COL9A1: variants seen among roughly 807,000 people sequenced by gnomAD.
The protein encoded by COL9A1 is collagen type IX alpha 1 chain, also known as collagen alpha-1(IX) chain.
COL9A1 carries 104 observed loss-of-function variants against 142.6 expected under a neutral mutation model. The observed-to-expected ratio is 0.73, with a 90% CI of 0.62 to 0.86. The LOEUF is 0.86. COL9A1 is among the 40% of genes least tolerant of loss of function. The pLI is 0.00. For synonymous variants in COL9A1, 466 were observed against 396.0 expected, an observed-to-expected ratio of 1.18 and a Z score of -2.10; for missense variants, 1,210 against 1,176.6, an observed-to-expected ratio of 1.03 and a Z score of -0.42.
At chr6:70,278,796 AT>A (rs2127595428) in intron 10 of COL9A1, among the ~76,000 whole-genome samples, 1 of 152,358 alleles carries the variant, frequency 6.6e-6, no homozygotes, top group Non-Finnish European at 1.5e-5. Flanking sequence ...ACTTCTAAAA[AT>A]TTCAAAGCAC....
intron 28 of COL9A1, among the ~76,000 whole-genome samples, chr6:70,246,724 A>T (rs73747127): frequency 0.066 from 10,005 of 152,234 alleles, 362 homozygotes; most frequent in Non-Finnish European, 0.075. Context: ...TTGTAACATC[A>T]GCATTTAGCC....
Position 70,240,688 on chromosome 6 carries a change from C to A in COL9A1, c.2079+1G>T. The A allele has an allele frequency of 6.2e-7, 1 of 1,609,958 alleles. No homozygotes were observed. The highest frequency in any genetic ancestry group is 8.5e-7 in the Non-Finnish European group (1 of 1,177,518). On this transcript the variant is annotated splice_donor_variant, in intron 32 of 37. Transcript: ENST00000357250. LOFTEE classifies it high-confidence loss of function. ...CATTAACCAGAAAAAAAAAATCTTACAAGTTCCCCCCTTTCTCCTGCTTCA... is the reference window on the plus strand; with the variant it reads ...CATTAACCAGAAAAAAAAAATCTTAAAAGTTCCCCCCTTTCTCCTGCTTCA...
chr6:70,249,589 G>A (rs1247057137), intron 28 of COL9A1, among the ~76,000 whole-genome samples: 1 of 152,146 alleles, frequency 6.6e-6, no homozygotes, highest in Non-Finnish European at 1.5e-5. Context: ...AGAACCAACA[G>A]GTCCTATTTG....
intron 29 of COL9A1, 63 bp downstream of exon 29, chr6:70,242,599 T>C: frequency 7.1e-7 from 1 of 1,399,126 alleles, no homozygotes; most frequent in South Asian, 1.2e-5. Flanking sequence ...TTTCTCCTCT[T>C]GCTTATTTTT....
intron 10 of COL9A1, 52 bp downstream of exon 10, chr6:70,280,759 CG>C: frequency 1.3e-6 from 2 of 1,557,188 alleles, no homozygotes; most frequent in Non-Finnish European, 8.7e-7. Context: ...CACACTTACT[CG>C]TACCCACCAC....
Position 70,282,851 on chromosome 6 carries a change from C to T in COL9A1, c.801+47G>A, listed in dbSNP as rs368975357. On this transcript the variant is annotated intron_variant, in intron 7 of 37. Transcript: ENST00000357250. Reference sequence around the variant, plus strand: ...CCTCGACCGCTGCGCCCCGACCTGTCCTCGTGTGCGCTTGAAAAATGCAAA... The same window carrying T: ...CCTCGACCGCTGCGCCCCGACCTGTTCTCGTGTGCGCTTGAAAAATGCAAA... 9.5e-5 allele frequency: 154 copies of T among 1,613,800 alleles called. 1 individual carries two copies. In the Middle Eastern group the frequency reaches 1.2e-3, roughly 12 times the overall value.
intron 37 of COL9A1, among the ~76,000 whole-genome samples, chr6:70,224,599 G>A (rs1018666983): frequency 6.6e-6 from 1 of 152,198 alleles, no homozygotes; most frequent in Non-Finnish European, 1.5e-5. Context: ...AGTAAATTGT[G>A]ATGATGGTAT....
chr6:70,268,670 T>C, intron 17 of COL9A1, 134 bp downstream of exon 17: 1 of 761,310 alleles, frequency 1.3e-6, no homozygotes, highest in Non-Finnish European at 2.3e-6. Flanking sequence ...CAACTGGAAT[T>C]GCTAGGACTG....
chr6:70,216,936 C>T lies in COL9A1; in HGVS notation c.2727G>A (p.Gln909=), dbSNP rs376876121. The T allele has an allele frequency of 5.6e-6, 9 of 1,614,046 alleles. No homozygotes were observed. Among genetic ancestry groups the T allele is most frequent in the Non-Finnish European group, 7.6e-6 (9 of 1,180,038 alleles). ...CTTTGTTAAATGCTCGCTGACCAGC[C>T]TGCATGGTGCAGGAGGCTGGCTCAC... ...GFCEPASCTM[Q]AGQRAFNKGP... is the part of the protein sequence containing the mutation. Residue 909 remains glutamine (Q), a synonymous_variant, in exon 38 of 38, where the codon CAG becomes CAA. Transcript: ENST00000357250.
chr6:70,300,459 A>AAAG (rs1323824630), intron 2 of COL9A1, 73 bp from the exon 3 acceptor site: 1 of 571,688 alleles, frequency 1.7e-6, no homozygotes, highest in Non-Finnish European at 2.7e-6. Flanking sequence ...AAATAAAATA[A>AAAG]AATAATAATA....
At position 70,274,102 on chromosome 6, in the gene COL9A1, C is replaced by A. The variant is rs16868897; in HGVS notation, c.1030-20G>T. 12,913 of 1,580,148 alleles carry A rather than the reference C, an allele frequency of 8.2e-3. 282 individuals are homozygous for A. The highest frequency in any genetic ancestry group is 0.07 in the African/African-American group (5,143 of 73,566). ...TTCTCCCTAAAAATAAAAATAGTTTCATTGTACTGACCTTTCATATCATGA... is the reference window on the plus strand; with the variant it reads ...TTCTCCCTAAAAATAAAAATAGTTTAATTGTACTGACCTTTCATATCATGA... On this transcript the variant is annotated intron_variant, in intron 11 of 37. Coordinates refer to ENST00000357250, the MANE Select transcript of COL9A1 (RefSeq NM_001851.6).
chr6:70,252,250 A>C lies in COL9A1; in HGVS notation c.1818+12T>G, dbSNP rs747014332. 1 of 1,614,140 alleles carries C rather than the reference A, an allele frequency of 6.2e-7. No individual in the cohort carries two copies. The highest frequency in any genetic ancestry group is 8.5e-7 in the Non-Finnish European group (1 of 1,179,986). On this transcript the variant is annotated intron_variant, in intron 27 of 37. Transcript: ENST00000357250. ...AGGTTAGAACTTCAGGAGAGGTAAAATGGTGTCTTACCGGTTTGCCTGAAT... is the reference window on the plus strand; with the variant it reads ...AGGTTAGAACTTCAGGAGAGGTAAACTGGTGTCTTACCGGTTTGCCTGAAT...
intron 4 of COL9A1, among the ~76,000 whole-genome samples, chr6:70,297,435 T>A (rs528212481): frequency 6.6e-6 from 1 of 152,116 alleles, no homozygotes; most frequent in East Asian, 1.9e-4. Context: ...AAGAGAAAAT[T>A]TATTTTGGTA....
In COL9A1 at chr6:70,280,760, G is replaced by C. The variant is rs556527957; in HGVS notation, c.975+52C>G. 28 of 1,550,654 alleles carry C rather than the reference G, an allele frequency of 1.8e-5. No individual in the cohort carries two copies. The Middle Eastern group carries it at 9.1e-4, about 51-fold the overall frequency. On this transcript the variant is annotated intron_variant, in intron 10 of 37. Coordinates refer to ENST00000357250, the MANE Select transcript of COL9A1 (RefSeq NM_001851.6). ...CCCCCCACAAAACACACACTTACTCGTACCCACCACACACCCCAGGCTGGG... is the reference window on the plus strand; with the variant it reads ...CCCCCCACAAAACACACACTTACTCCTACCCACCACACACCCCAGGCTGGG...
chr6:70,296,034 A>T (rs1429732288), intron 4 of COL9A1, among the ~76,000 whole-genome samples: 1 of 152,174 alleles, frequency 6.6e-6, no homozygotes, highest in Admixed American at 6.6e-5. Flanking sequence ...ATTTGCTAAG[A>T]TCTTCTATCT....
intron 5 of COL9A1, 53 bp from the exon 6 acceptor site, chr6:70,283,873 G>T (rs1773330784): frequency 2.3e-6 from 3 of 1,313,176 alleles, no homozygotes. Flanking sequence ...ACTGAAGCTG[G>T]TCATTCAAGA....
chr6:70,259,039 AACAAAT>A (rs1457207231), intron 20 of COL9A1, among the ~76,000 whole-genome samples: 2 of 152,196 alleles, frequency 1.3e-5, no homozygotes, highest in Admixed American at 6.5e-5. Context: ...TAATATGTTT[AACAAAT>A]ACAAAGTTTT....
Position 70,269,583 on chromosome 6 carries a change from A to G in COL9A1, c.1230+50T>C, listed in dbSNP as rs369142521. On this transcript the variant is annotated intron_variant, in intron 16 of 37. Coordinates refer to ENST00000357250, the MANE Select transcript of COL9A1 (RefSeq NM_001851.6). ...TTTAAAGAAAACTCATCTGCAGGCT[A>G]TATGGTCTTTGAATTAAAACTATAT... The G allele has an allele frequency of 3.7e-5, 46 of 1,234,908 alleles. No homozygotes were observed. In the African/African-American group the frequency reaches 6.0e-4, roughly 16 times the overall value. The allele number at this position is 1,234,908 out of a possible 1,614,324, so 76.5% of individuals were successfully genotyped here. A position where few individuals can be genotyped will look rare whatever the true frequency, so the allele number is the denominator to read the frequency against.
chr6:70,300,421 C>T, intron 2 of COL9A1, 35 bp from the exon 3 acceptor site: 1 of 1,136,776 alleles, frequency 8.8e-7, no homozygotes, highest in South Asian at 1.2e-5. Flanking sequence ...CTACTTCATC[C>T]ACTCTAACTT....
Sources: allele counts gnomAD v4.1 joint callset (sites outside exome capture counted in the v4.1 genomes callset), GRCh38; gene constraint gnomAD v4.1.1; transcripts MANE v1.5; gene names NCBI Gene and HGNC (gene_info 2026-07-23, HGNC 2026-07-21).